PCDHGA10: variants seen among roughly 807,000 people sequenced by gnomAD.
PCDHGA10 encodes protocadherin gamma subfamily A, 10.
PCDHGA10 carries 42 observed loss-of-function variants against 59.5 expected under a neutral mutation model. The observed-to-expected ratio is 0.71, with a 90% CI of 0.55 to 0.91. The LOEUF (loss-of-function observed/expected upper bound fraction) is 0.91. Ranked by LOEUF, PCDHGA10 falls within the 40% of genes least tolerant of loss-of-function variation. The pLI is 0.00. For missense variants in PCDHGA10, 1,111 were observed against 1,198.2 expected (o/e 0.93, Z 1.07); for synonymous variants, 511 against 517.2 (o/e 0.99, Z 0.16).
intron 1 of PCDHGA10, among the ~76,000 whole-genome samples, chr5:141,475,171 C>A (rs545499118): frequency 6.6e-6 from 1 of 152,164 alleles, no homozygotes; most frequent in African/African-American, 2.4e-5. Context: ...AGCAGTGCAA[C>A]TTCTTGTGGC....
chr5:141,483,168 C>A (rs750259590), intron 1 of PCDHGA10, among the ~76,000 whole-genome samples: 3 of 152,104 alleles, frequency 2.0e-5, no homozygotes, highest in Non-Finnish European at 4.4e-5. Context: ...CCTGAGTTAC[C>A]TTTGGGCCAA....
At chr5:141,417,680 A>G (rs1236124418) in intron 1 of PCDHGA10, 21 of 1,016,072 alleles carry the variant, frequency 2.1e-5, no homozygotes, top group Non-Finnish European at 2.9e-5. Context: ...AGCCAACAAC[A>G]GAAAAGAAAA....
Position 141,415,491 on chromosome 5 carries a change from G to C in PCDHGA10, c.2316G>C (p.Leu772=), listed in dbSNP as rs1386703838. 3.7e-6 allele frequency: 6 copies of C among 1,614,090 alleles called. No homozygotes were observed. The Admixed American group carries it at 8.3e-5, about 22-fold the overall frequency. ...SLTADSRKSH[L]IFPQPNYADT... ...CCGCGGACTCGCGAAAGAGTCACCTGATCTTCCCCCAGCCCAATTATGCGG... is the reference window on the plus strand; with the variant it reads ...CCGCGGACTCGCGAAAGAGTCACCTCATCTTCCCCCAGCCCAATTATGCGG... The change falls in exon 1 of 4, where the codon CTG becomes CTC. Residue 772 remains leucine (L), a synonymous_variant. Coordinates refer to ENST00000398610, the MANE Select transcript of PCDHGA10 (RefSeq NM_018913.3).
At chr5:141,497,820 G>A (rs1595489288) in intron 2 of PCDHGA10, among the ~76,000 whole-genome samples, 1 of 152,226 alleles carries the variant, frequency 6.6e-6, no homozygotes, top group Admixed American at 6.5e-5. Flanking sequence ...AATTACAGGT[G>A]TGATCGCCCC....
Position 141,432,295 on chromosome 5 carries a change from G to A in PCDHGA10, c.2436+16684G>A. 6.2e-7 allele frequency: 1 copy of A among 1,614,222 alleles called. No individual in the cohort carries two copies. The highest frequency in any genetic ancestry group is 8.5e-7 in the Non-Finnish European group (1 of 1,180,034). ...ACGTGTCCATCAACTCCGACACTGG[G>A]GTACTGTATGCGCTGAGCTCCTTCG... is the stretch of plus-strand genomic sequence containing the variant. On this transcript the variant is annotated intron_variant, in intron 1 of 3. Coordinates refer to ENST00000398610, the MANE Select transcript of PCDHGA10 (RefSeq NM_018913.3). This position sits in a 1 kb window ranked among gnomAD's most constrained non-coding sequence, Gnocchi z 6.0.
intron 1 of PCDHGA10, among the ~76,000 whole-genome samples, chr5:141,425,482 C>T (rs1257043728): frequency 6.6e-6 from 1 of 152,192 alleles, no homozygotes; most frequent in Non-Finnish European, 1.5e-5. Context: ...CCTATGGCAA[C>T]CTACTAGGCT....
intron 1 of PCDHGA10, chr5:141,421,778 G>C (rs756566609): frequency 6.2e-7 from 1 of 1,613,844 alleles, no homozygotes; most frequent in Non-Finnish European, 8.5e-7. Context: ...TTGCAACTGC[G>C]GGGCAGAACG....
Position 141,476,144 on chromosome 5 carries a change from C to T in PCDHGA10, c.2437-18663C>T. ...GGTCCCAGAGGCCTGGAGGAGCGGA[C>T]TGGTAAGCACCGGGAGGGTAGTGGG... is the stretch of plus-strand genomic sequence containing the variant. On this transcript the variant is annotated intron_variant, in intron 1 of 3. Transcript: ENST00000398610. This position sits in a 1 kb window ranked among gnomAD's most constrained non-coding sequence, Gnocchi z 7.6. 6.2e-7 allele frequency: 1 copy of T among 1,610,510 alleles called. No individual in the cohort carries two copies. The highest frequency in any genetic ancestry group is 1.3e-5 in the African/African-American group (1 of 75,014).
rs753030509 is a variant in PCDHGA10, at chr5:141,431,672, G to A, written c.2436+16061G>A. On this transcript the variant is annotated intron_variant, in intron 1 of 3. Transcript: ENST00000398610. The surrounding 1 kb of genome is among the most constrained non-coding windows in gnomAD (Gnocchi z 4.8). ...TAATTCAGGGACAATATCAACAATA[G>A]GGGAGTTGGACCACGAGGAGTCAGG... The A allele has an allele frequency of 9.3e-6, 15 of 1,614,110 alleles. No homozygotes were observed. Among genetic ancestry groups the A allele is most frequent in the African/African-American group, 4.0e-5 (3 of 74,948 alleles).
At chr5:141,415,725 T>A in intron 1 of PCDHGA10, 114 bp downstream of exon 1, 1 of 1,437,122 alleles carries the variant, frequency 7.0e-7, no homozygotes, top group Non-Finnish European at 9.2e-7. Context: ...TGAGTAGAAT[T>A]TGATGTTTAT....
chr5:141,416,747 T>A (rs920641906), intron 1 of PCDHGA10: 2 of 152,240 alleles, frequency 1.3e-5, no homozygotes, highest in African/African-American at 4.8e-5. Flanking sequence ...AATAGTGACG[T>A]ATTAGGTAGA....
At chr5:141,440,115 A>G (rs921555018) in intron 1 of PCDHGA10, 4 of 152,250 alleles carry the variant, frequency 2.6e-5, no homozygotes, top group African/African-American at 4.8e-5. Flanking sequence ...TTACTTGTGA[A>G]TGACTGAATG....
intron 1 of PCDHGA10, among the ~76,000 whole-genome samples, chr5:141,465,343 TG>T (rs1048302340): frequency 1.5e-4 from 23 of 152,118 alleles, no homozygotes; most frequent in African/African-American, 5.3e-4. Flanking sequence ...TATTGGTTAC[TG>T]AAGAAAAAAT....
At chr5:141,422,664 C>T (rs2096662670) in intron 1 of PCDHGA10, 4 of 1,608,458 alleles carry the variant, frequency 2.5e-6, no homozygotes, top group Non-Finnish European at 3.4e-6. Flanking sequence ...CCGCCCTCGA[C>T]CCGGACAGCA....
rs779250544 is a variant in PCDHGA10, at chr5:141,432,639, G to A, written c.2436+17028G>A. The A allele has an allele frequency of 1.2e-6, 2 of 1,613,816 alleles. No homozygotes were observed. Among genetic ancestry groups the A allele is most frequent in the Non-Finnish European group, 1.7e-6 (2 of 1,179,934 alleles). On this transcript the variant is annotated intron_variant, in intron 1 of 3. Coordinates refer to ENST00000398610, the MANE Select transcript of PCDHGA10 (RefSeq NM_018913.3). This position sits in a 1 kb window ranked among gnomAD's most constrained non-coding sequence, Gnocchi z 6.0. Reference sequence around the variant, plus strand: ...GTGGGTCTGCACACGGGCGAGGTGCGCACGGCGCGAGCCCTGCTGGACAGA... The same window carrying A: ...GTGGGTCTGCACACGGGCGAGGTGCACACGGCGCGAGCCCTGCTGGACAGA...
chr5:141,474,955 T>C (rs2099356879), intron 1 of PCDHGA10, among the ~76,000 whole-genome samples: 1 of 152,254 alleles, frequency 6.6e-6, no homozygotes, highest in African/African-American at 2.4e-5. Context: ...TTTTATTCAC[T>C]ATCCTAATCA....
chr5:141,419,981 A>C, intron 1 of PCDHGA10: 2 of 1,614,052 alleles, frequency 1.2e-6, no homozygotes, highest in Non-Finnish European at 1.7e-6. Context: ...CCTCGCGGTG[A>C]TTCTAGCTAT....
Position 141,477,256 on chromosome 5 carries a change from T to G in PCDHGA10, c.2437-17551T>G. 2 of 1,614,210 alleles carry G rather than the reference T, an allele frequency of 1.2e-6. No homozygotes were observed. The highest frequency in any genetic ancestry group is 1.7e-6 in the Non-Finnish European group (2 of 1,180,038). On this transcript the variant is annotated intron_variant, in intron 1 of 3. Coordinates refer to ENST00000398610, the MANE Select transcript of PCDHGA10 (RefSeq NM_018913.3). This position sits in a 1 kb window ranked among gnomAD's most constrained non-coding sequence, Gnocchi z 4.9. Reference sequence around the variant, plus strand: ...CTTTGCTCAGTGTGACTGACCTGGATGCTGGCGAGAACGGGCTGGTGACCT... The same window carrying G: ...CTTTGCTCAGTGTGACTGACCTGGAGGCTGGCGAGAACGGGCTGGTGACCT...
chr5:141,457,054 T>C (rs1410535170), intron 1 of PCDHGA10, among the ~76,000 whole-genome samples: 1 of 152,242 alleles, frequency 6.6e-6, no homozygotes, highest in Non-Finnish European at 1.5e-5. Context: ...ACTTTCATGC[T>C]TCCTTTTTGC....
Sources: gnomAD v4.1 joint callset for allele counts (sites outside exome capture counted in the v4.1 genomes callset) on GRCh38, gnomAD v4.1.1 for gene constraint, Gnocchi (gnomAD v3.1) non-coding constraint, MANE v1.5 for transcripts, NCBI Gene and HGNC (gene_info 2026-07-23, HGNC 2026-07-21) for gene names.